EDIL3: variants seen among roughly 807,000 people sequenced by gnomAD.
EDIL3 encodes EGF-like repeat and discoidin I-like domain-containing protein 3.
A neutral mutation model predicts 67.4 loss-of-function variants in EDIL3; 37 were observed. That is an observed-to-expected ratio of 0.55 (90% CI 0.42 to 0.72). The LOEUF (loss-of-function observed/expected upper bound fraction) is 0.72, where lower values mean the gene tolerates loss of function less well. EDIL3 is among the 30% of genes least tolerant of loss of function. The pLI is 0.00. For synonymous variants in EDIL3, 195 were observed against 196.3 expected, an observed-to-expected ratio of 0.99 and a Z score of 0.05; for missense variants, 527 against 586.3, an observed-to-expected ratio of 0.90 and a Z score of 1.04.
chr5:84,072,291 C>T (rs1415683687), intron 6 of EDIL3, among the ~76,000 whole-genome samples: 1 of 151,686 alleles, frequency 6.6e-6, no homozygotes, highest in African/African-American at 2.4e-5. Context: ...ACAACTAACC[C>T]AATAGAAATG....
chr5:84,266,417 G>C (rs1273741997), intron 1 of EDIL3, among the ~76,000 whole-genome samples: 1 of 152,176 alleles, frequency 6.6e-6, no homozygotes, highest in Non-Finnish European at 1.5e-5. Flanking sequence ...CTATTGAAGA[G>C]GCTTTGACCT....
intron 1 of EDIL3, among the ~76,000 whole-genome samples, chr5:84,360,273 T>A (rs1747569695): frequency 6.6e-6 from 1 of 152,158 alleles, no homozygotes; most frequent in Non-Finnish European, 1.5e-5. Context: ...AGAACAGGTA[T>A]TGCAGCGGTC....
At chr5:84,265,114 G>T (rs571963305) in intron 1 of EDIL3, among the ~76,000 whole-genome samples, 89 of 152,084 alleles carry the variant, frequency 5.9e-4, no homozygotes, top group African/African-American at 2.0e-3. Context: ...CAGGCAGAAA[G>T]GTATGTAATG....
chr5:84,109,196 T>A lies in EDIL3; in HGVS notation c.470-2366A>T, dbSNP rs551626681. Among the ~76,000 whole-genome samples, 10 of 152,284 alleles carry A rather than the reference T, an allele frequency of 6.6e-5. No homozygotes were observed. In the East Asian group the frequency reaches 1.7e-3, roughly 26 times the overall value. On this transcript the variant is annotated intron_variant, in intron 5 of 10. Transcript: ENST00000296591. ...CTTTGCTATGCTCTTTAGTCCTGCA[T>A]ATTAATTCTTTCAAAAAACATAATT...
At chr5:84,232,532 A>G (rs1744603112) in intron 2 of EDIL3, among the ~76,000 whole-genome samples, 1 of 152,218 alleles carries the variant, frequency 6.6e-6, no homozygotes, top group Non-Finnish European at 1.5e-5. Context: ...TAGTAATCAG[A>G]ACCTTTGAAA....
chr5:84,311,812 C>T (rs1746395232), intron 1 of EDIL3, among the ~76,000 whole-genome samples: 1 of 152,106 alleles, frequency 6.6e-6, no homozygotes, highest in African/African-American at 2.4e-5. Flanking sequence ...ACATCTTGCA[C>T]CACCCTTAAT....
In EDIL3 at chr5:84,167,968, TTTG is replaced by T. The variant is rs373379544; in HGVS notation, c.355+12422_355+12424del. 3.4e-3 allele frequency among the ~76,000 whole-genome samples: 515 copies of T among 152,314 alleles called. 5 individuals are homozygous for T. The highest frequency in any genetic ancestry group is 0.011 in the African/African-American group (463 of 41,578). On this transcript the variant is annotated intron_variant, in intron 4 of 10. Transcript: ENST00000296591. ...CAGATCAAGGAGAGAATAATTCTCA[TTTG>T]GAAATATTTCAATTTAAGATATATC...
At chr5:84,286,358 G>T (rs920621949) in intron 1 of EDIL3, among the ~76,000 whole-genome samples, 9 of 152,074 alleles carry the variant, frequency 5.9e-5, no homozygotes, top group Admixed American at 5.9e-4. Flanking sequence ...CCACGTGAAA[G>T]AGCAGAAGAT....
chr5:84,089,710 T>C (rs1164384955), intron 6 of EDIL3, among the ~76,000 whole-genome samples: 1 of 152,154 alleles, frequency 6.6e-6, no homozygotes, highest in African/African-American at 2.4e-5. Context: ...TATTTTCACA[T>C]TTTGGCATCT....
Position 84,089,253 on chromosome 5 carries a change from C to G in EDIL3, c.651+17396G>C, listed in dbSNP as rs546636853. The stretch of plus-strand genomic sequence containing the variant: ...TGTCCATTTAATCCACTTCCACTCT[C>G]TATCCAGAGCAACAAGTAATTTTCC... On this transcript the variant is annotated intron_variant, in intron 6 of 10. Transcript: ENST00000296591. 2.6e-5 allele frequency among the ~76,000 whole-genome samples: 4 copies of G among 152,338 alleles called. No homozygotes were observed. The East Asian group carries it at 7.7e-4, about 29-fold the overall frequency.
intron 9 of EDIL3, among the ~76,000 whole-genome samples, chr5:84,028,765 A>G (rs1745864589): frequency 6.6e-6 from 1 of 152,158 alleles, no homozygotes; most frequent in Admixed American, 6.5e-5. Context: ...ATATATATAC[A>G]TAGATATACT....
chr5:84,080,098 C>G (rs1469216184), intron 6 of EDIL3, among the ~76,000 whole-genome samples: 20 of 104,636 alleles, frequency 1.9e-4, no homozygotes, highest in African/African-American at 8.2e-4. Context: ...GGTGAAACCC[C>G]GTCTCTACTA....
At chr5:84,015,074 C>T (rs191919223) in intron 9 of EDIL3, among the ~76,000 whole-genome samples, 2 of 152,120 alleles carry the variant, frequency 1.3e-5, no homozygotes, top group East Asian at 1.9e-4. Context: ...CACAAATACT[C>T]CAGGACACTT....
At chr5:84,328,115 T>C (rs1746800183) in intron 1 of EDIL3, among the ~76,000 whole-genome samples, 1 of 152,022 alleles carries the variant, frequency 6.6e-6, no homozygotes, top group Non-Finnish European at 1.5e-5. Flanking sequence ...AAGGAGCCAA[T>C]GAGATTTTTA....
intron 1 of EDIL3, among the ~76,000 whole-genome samples, chr5:84,327,331 A>T (rs1746784180): frequency 6.6e-6 from 1 of 151,906 alleles, no homozygotes; most frequent in South Asian, 2.1e-4. Context: ...TTAAAAAAAA[A>T]TTTGATTGGT....
intron 9 of EDIL3, among the ~76,000 whole-genome samples, chr5:84,023,713 G>T (rs764791397): frequency 2.6e-5 from 4 of 152,006 alleles, no homozygotes; most frequent in Non-Finnish European, 4.4e-5. Context: ...TTCTTTTCAA[G>T]AAACAACTGG....
intron 9 of EDIL3, among the ~76,000 whole-genome samples, chr5:83,973,126 C>A (rs1030961251): frequency 6.6e-6 from 1 of 151,940 alleles, no homozygotes; most frequent in African/African-American, 2.4e-5. Flanking sequence ...ATAAAATCAC[C>A]CTGGGTGAGC....
intron 9 of EDIL3, among the ~76,000 whole-genome samples, chr5:83,975,058 A>C (rs1034703733): frequency 3.3e-5 from 5 of 152,060 alleles, no homozygotes; most frequent in African/African-American, 1.2e-4. Context: ...ATGTGGCCTG[A>C]GTATTTCTAT....
At chr5:84,076,546 C>A (rs910377220) in intron 6 of EDIL3, among the ~76,000 whole-genome samples, 2 of 152,002 alleles carry the variant, frequency 1.3e-5, no homozygotes, top group East Asian at 3.9e-4. Flanking sequence ...CACCGAGCTA[C>A]GTAGATTTTC....
Sources: gnomAD v4.1 joint callset for allele counts (sites outside exome capture counted in the v4.1 genomes callset) on GRCh38, gnomAD v4.1.1 for gene constraint, MANE v1.5 for transcripts, NCBI Gene and HGNC (gene_info 2026-07-23, HGNC 2026-07-21) for gene names.